AP2B1: variants seen among roughly 807,000 people sequenced by gnomAD.
The protein encoded by AP2B1 is AP-2 complex subunit beta.
Under a neutral mutation model 102.0 loss-of-function variants are expected in AP2B1, and 23 were observed. The ratio of observed to expected loss-of-function variants is 0.23; its 90% CI spans 0.16 to 0.32. The LOEUF (loss-of-function observed/expected upper bound fraction) is 0.32, where lower values mean the gene tolerates loss of function less well. AP2B1 is among the 10% of genes least tolerant of loss of function. AP2B1 has a pLI of 1.00. For missense variants in AP2B1, 541 were observed against 1,157.4 expected (o/e 0.47, Z 7.73); for synonymous variants, 381 against 421.2 (o/e 0.90, Z 1.17).
At chr17:35,594,195 A>G (rs2073188431) in intron 2 of AP2B1, 128 bp downstream of exon 2, 2 of 582,374 alleles carry the variant, frequency 3.4e-6, no homozygotes, top group East Asian at 3.2e-5. Flanking sequence ...CTGGACATCT[A>G]CTACTTCTAT....
At chr17:35,648,354 A>G (rs763114183) in intron 12 of AP2B1, among the ~76,000 whole-genome samples, 24 of 152,072 alleles carry the variant, frequency 1.6e-4, no homozygotes, top group Admixed American at 6.6e-5. Context: ...TGTCTCTACT[A>G]AAAATACAAA....
chr17:35,680,892 A>G (rs1343298295), intron 17 of AP2B1, among the ~76,000 whole-genome samples: 1 of 151,636 alleles, frequency 6.6e-6, no homozygotes, highest in Non-Finnish European at 1.5e-5. Flanking sequence ...ATGTTGTTTC[A>G]CCATGTTGGC....
intron 17 of AP2B1, among the ~76,000 whole-genome samples, chr17:35,676,555 A>G (rs2075705830): frequency 6.6e-6 from 1 of 152,220 alleles, no homozygotes; most frequent in African/African-American, 2.4e-5. Context: ...TCTTTATGAT[A>G]AAGTTGCCAT....
At position 35,724,850 on chromosome 17, in the gene AP2B1, G is replaced by A. The variant is rs2085492942; in HGVS notation, c.*1151G>A. The A allele has an allele frequency of 6.6e-6, 1 of 152,138 alleles. No homozygotes were observed. Among genetic ancestry groups the A allele is most frequent in the Non-Finnish European group, 1.5e-5 (1 of 68,046 alleles). The allele number at this position is 152,138 out of a possible 1,614,324, so 9.4% of individuals were successfully genotyped here. A position where few individuals can be genotyped will look rare whatever the true frequency, so the allele number is the denominator to read the frequency against. ...TCTTCACATATTCCATATTGATTTTGACGCTCTGTATATTGGCATCAGGTG... is the reference window on the plus strand; with the variant it reads ...TCTTCACATATTCCATATTGATTTTAACGCTCTGTATATTGGCATCAGGTG... On this transcript the variant is annotated 3_prime_UTR_variant, in exon 22 of 22. Transcript: ENST00000610402.
At position 35,650,762 on chromosome 17, in the gene AP2B1, G is replaced by A. The variant is rs1180949069; in HGVS notation, c.1769G>A (p.Arg590His). 4.3e-6 allele frequency: 7 copies of A among 1,614,148 alleles called. No individual in the cohort carries two copies. The highest frequency in any genetic ancestry group is 5.9e-6 in the Non-Finnish European group (7 of 1,180,012). Residue 590 changes from arginine to histidine, a missense_variant, in exon 13 of 22, where the codon CGT becomes CAT. Physicochemically the swap from Arg to His is conservative, Grantham distance 29. Around this residue, in one of 10 missense-constraint regions of AP2B1, gnomAD observed 106 missense variants for 296.4 expected, o/e 0.36. Transcript: ENST00000610402. ...GTGGAAGGAAGTCATGGAATTCATC[G>A]TAAACACTTGCCAATTCATCATGGG... Reference protein sequence around the residue: ...AFVEGSHGIHRKHLPIHHGST... With the variant: ...AFVEGSHGIHHKHLPIHHGST...
At chr17:35,673,170 T>C (rs1226387354) in intron 16 of AP2B1, among the ~76,000 whole-genome samples, 2 of 152,210 alleles carry the variant, frequency 1.3e-5, no homozygotes, top group Non-Finnish European at 2.9e-5. Flanking sequence ...TCCTTTGGTA[T>C]TCTGTCTTAG....
At chr17:35,651,447 T>C (rs2075083829) in intron 13 of AP2B1, among the ~76,000 whole-genome samples, 1 of 152,212 alleles carries the variant, frequency 6.6e-6, no homozygotes, top group Non-Finnish European at 1.5e-5. Flanking sequence ...AGAAACACTC[T>C]AATAAACTCT....
rs1420150348 is a variant in AP2B1 at position 35,676,094 on chromosome 17, T to A, written c.2324+1773T>A. Among the ~76,000 whole-genome samples, 7 of 152,318 alleles carry A rather than the reference T, an allele frequency of 4.6e-5. No homozygotes were observed. In the East Asian group the frequency reaches 1.3e-3, roughly 29 times the overall value. ...TTATCTGTAGAAGAAATTAAGTCTT[T>A]TAGTGTGGAGTTTCCCACAGTCTCA... is the stretch of plus-strand genomic sequence containing the variant. On this transcript the variant is annotated intron_variant, in intron 17 of 21. Coordinates refer to ENST00000610402, the MANE Select transcript of AP2B1 (RefSeq NM_001030006.2).
At chr17:35,648,303 GTCAGGAGT>G (rs1223455021) in intron 12 of AP2B1, among the ~76,000 whole-genome samples, 1 of 152,122 alleles carries the variant, frequency 6.6e-6, no homozygotes, top group African/African-American at 2.4e-5. Flanking sequence ...ATGACTTAAA[GTCAGGAGT>G]TCAAGACCAG....
At chr17:35,643,226 T>G (rs2074834419) in intron 12 of AP2B1, among the ~76,000 whole-genome samples, 1 of 152,046 alleles carries the variant, frequency 6.6e-6, no homozygotes, top group Non-Finnish European at 1.5e-5. Context: ...TAAGAAGGTT[T>G]ACGAATTTGT....
chr17:35,721,293 GC>G (rs1209247733), intron 21 of AP2B1, among the ~76,000 whole-genome samples: 2 of 152,174 alleles, frequency 1.3e-5, no homozygotes, highest in Admixed American at 6.5e-5. Context: ...TGGATGCATA[GC>G]CCCTTAATTT....
At chr17:35,714,041 T>C (rs1473690696) in intron 20 of AP2B1, among the ~76,000 whole-genome samples, 3 of 152,234 alleles carry the variant, frequency 2.0e-5, no homozygotes, top group Admixed American at 2.0e-4. Context: ...GAAAGGAATC[T>C]TTGTGACGAA....
At chr17:35,708,594 A>G (rs1460191022) in intron 18 of AP2B1, among the ~76,000 whole-genome samples, 3 of 152,204 alleles carry the variant, frequency 2.0e-5, no homozygotes, top group Non-Finnish European at 4.4e-5. Context: ...TGTTGGGCCA[A>G]ACAAGCTTTT....
At chr17:35,703,591 A>G (rs916555851) in intron 18 of AP2B1, among the ~76,000 whole-genome samples, 1 of 152,198 alleles carries the variant, frequency 6.6e-6, no homozygotes, top group Admixed American at 6.5e-5. Context: ...ATAAAACCAA[A>G]TACCACATGT....
chr17:35,702,342 A>G (rs587692742), intron 18 of AP2B1, among the ~76,000 whole-genome samples: 1 of 152,372 alleles, frequency 6.6e-6, no homozygotes, highest in African/African-American at 2.4e-5. Context: ...AGACAGGGAA[A>G]GAATCATGGA....
chr17:35,710,471 C>T, intron 20 of AP2B1, 151 bp downstream of exon 20: 1 of 609,526 alleles, frequency 1.6e-6, no homozygotes, highest in Non-Finnish European at 2.9e-6. Flanking sequence ...CTTTGCAAAC[C>T]TCTGTTTAAA....
chr17:35,681,067 A>G (rs2075814565), intron 17 of AP2B1, among the ~76,000 whole-genome samples: 2 of 152,106 alleles, frequency 1.3e-5, no homozygotes, highest in Non-Finnish European at 2.9e-5. Context: ...TTTTCTATTT[A>G]ACTTCAGATT....
intron 18 of AP2B1, among the ~76,000 whole-genome samples, chr17:35,687,265 C>A (rs1374030705): frequency 6.6e-6 from 1 of 152,094 alleles, no homozygotes; most frequent in Non-Finnish European, 1.5e-5. Flanking sequence ...GAGCACACCA[C>A]TACACCCAGC....
intron 18 of AP2B1, among the ~76,000 whole-genome samples, chr17:35,704,709 G>A (rs1398946518): frequency 6.6e-6 from 1 of 152,126 alleles, no homozygotes; most frequent in East Asian, 1.9e-4. Context: ...ACAGTGCTAA[G>A]CTTAAGGAGA....
Sources: gnomAD v4.1 joint callset for allele counts (sites outside exome capture counted in the v4.1 genomes callset) on GRCh38, gnomAD v4.1.1 for gene constraint, gnomAD v4.1.1 regional missense constraint, MANE v1.5 for transcripts, NCBI Gene and HGNC (gene_info 2026-07-23, HGNC 2026-07-21) for gene names.